The following OR51B5 variants were observed in gnomAD, a reference collection of about 807,000 sequenced individuals.
OR51B5 encodes the protein olfactory receptor family 51 subfamily B member 5, also known as olfactory receptor 51B5.
For missense variants in OR51B5, 456 were observed against 374.6 expected (o/e 1.22, Z -1.79); for synonymous variants, 186 against 144.8 (o/e 1.28, Z -2.04).
Position 5,422,916 on chromosome 11 carries a change from C to A in OR51B5, n.85-76006G>T, listed in dbSNP as rs147051674. ...GCCACCTGGGCTGAGCGACTCCGTG[C>A]CCTCAATAACTGCCTGTCCCACATT... On this transcript the variant is annotated intron_variant and non_coding_transcript_variant, in intron 1 of 4. Transcript: ENST00000415970. 83 of 1,613,848 alleles carry A rather than the reference C, an allele frequency of 5.1e-5. No individual in the cohort carries two copies. In the African/African-American group the frequency reaches 1.0e-3, roughly 20 times the overall value.
At chr11:5,410,429 C>T (rs532841552) in intron 1 of OR51B5, among the ~76,000 whole-genome samples, 2 of 152,040 alleles carry the variant, frequency 1.3e-5, no homozygotes, top group South Asian at 2.1e-4. Flanking sequence ...TTGTTATCTA[C>T]GAGATAATCA....
intron 1 of OR51B5, among the ~76,000 whole-genome samples, chr11:5,373,850 C>A (rs906058692): frequency 2.6e-5 from 4 of 152,258 alleles, no homozygotes; most frequent in East Asian, 3.9e-4. Context: ...GTGGACCCCA[C>A]CACAGCTCAA....
At position 5,466,947 on chromosome 11, in the gene OR51B5, C is replaced by T. The variant is rs80297185; in HGVS notation, n.84+38622G>A. ...TGCTTTCTCTAAGCCCTTTCCTCTA[C>T]GATCAGAGCCTTCTTTCTCTCTTAT... On this transcript the variant is annotated intron_variant and non_coding_transcript_variant, in intron 1 of 4. Transcript: ENST00000415970. Among the ~76,000 whole-genome samples, 1,491 of 152,326 alleles carry T rather than the reference C, an allele frequency of 9.8e-3. 12 individuals carry two copies. The highest frequency in any genetic ancestry group is 0.013 in the South Asian group (62 of 4,824).
intron 1 of OR51B5, among the ~76,000 whole-genome samples, chr11:5,354,156 GTTC>G (rs780453495): frequency 6.7e-6 from 1 of 149,710 alleles, no homozygotes; most frequent in African/African-American, 2.4e-5. Flanking sequence ...GTGTCTGCTA[GTTC>G]TTCTGTCTGT....
chr11:5,463,364 G>A (rs930678446), intron 1 of OR51B5, among the ~76,000 whole-genome samples: 2 of 152,140 alleles, frequency 1.3e-5, no homozygotes, highest in Non-Finnish European at 2.9e-5. Context: ...GTGTGTGATA[G>A]GCTTTATTAA....
chr11:5,414,446 A>T (rs1189338037), intron 1 of OR51B5, among the ~76,000 whole-genome samples: 13 of 151,742 alleles, frequency 8.6e-5, no homozygotes, highest in South Asian at 2.1e-4. Flanking sequence ...TAACTTTAAA[A>T]GTAAATGGAC....
chr11:5,349,813 A>G (rs1849048707), intron 1 of OR51B5, among the ~76,000 whole-genome samples: 1 of 152,112 alleles, frequency 6.6e-6, no homozygotes, highest in Non-Finnish European at 1.5e-5. Flanking sequence ...CTCAGTCCCA[A>G]TGCCCCAGGC....
intron 1 of OR51B5, among the ~76,000 whole-genome samples, chr11:5,477,532 C>A (rs1851329495): frequency 6.6e-6 from 1 of 152,182 alleles, no homozygotes; most frequent in Admixed American, 6.5e-5. Context: ...ATAGGAACAG[C>A]TCCGGTCTAC....
rs76067772 is a variant in OR51B5, at chr11:5,459,864, T to A, written n.84+45705A>T. ...AAAAACAGGACAACCATTCAACCCA[T>A]TAATCCTACTACTGGGTATATACCC... On this transcript the variant is annotated intron_variant and non_coding_transcript_variant, in intron 1 of 4. Transcript: ENST00000415970. 9.8e-3 allele frequency among the ~76,000 whole-genome samples: 1,499 copies of A among 152,234 alleles called. 27 individuals are homozygous for A. The highest frequency in any genetic ancestry group is 0.034 in the African/African-American group (1,417 of 41,532).
intron 1 of OR51B5, among the ~76,000 whole-genome samples, chr11:5,360,654 G>A (rs1470197095): frequency 6.6e-6 from 1 of 152,062 alleles, no homozygotes; most frequent in Non-Finnish European, 1.5e-5. Flanking sequence ...CATACTCAAA[G>A]GATTATAAAT....
chr11:5,360,938 A>C (rs1849274309), intron 1 of OR51B5, among the ~76,000 whole-genome samples: 1 of 151,498 alleles, frequency 6.6e-6, no homozygotes, highest in Admixed American at 6.6e-5. Context: ...GGAATTGAAC[A>C]ATGAGAACAC....
chr11:5,441,427 C>A (rs1198746419), intron 1 of OR51B5: 2 of 1,613,786 alleles, frequency 1.2e-6, no homozygotes, highest in Non-Finnish European at 1.7e-6. Flanking sequence ...AAAATCAGGG[C>A]AACCCAGGTG....
At chr11:5,465,211 A>G (rs1851121516) in intron 1 of OR51B5, among the ~76,000 whole-genome samples, 1 of 147,644 alleles carries the variant, frequency 6.8e-6, no homozygotes, top group African/African-American at 2.5e-5. Context: ...GTCTCAAAAA[A>G]AAAAAAAAAA....
At chr11:5,382,933 A>G (rs1281298733) in intron 1 of OR51B5, among the ~76,000 whole-genome samples, 2 of 152,102 alleles carry the variant, frequency 1.3e-5, no homozygotes, top group Non-Finnish European at 2.9e-5. Context: ...GCCCTATTTA[A>G]AGGATGTAAT....
chr11:5,388,291 G>C lies in OR51B5; in HGVS notation n.85-41381C>G, dbSNP rs117976076. On this transcript the variant is annotated intron_variant and non_coding_transcript_variant, in intron 1 of 4. Transcript: ENST00000415970. Reference sequence around the variant, plus strand: ...ATGTCCACAAGGAATTCACATTATAGAAGCAATACAGAAATTGACAATGCT... The same window carrying C: ...ATGTCCACAAGGAATTCACATTATACAAGCAATACAGAAATTGACAATGCT... Among the ~76,000 whole-genome samples, 277 of 151,856 alleles carry C rather than the reference G, an allele frequency of 1.8e-3. 2 individuals are homozygous for C. The East Asian group carries it at 0.04, about 22-fold the overall frequency.
intron 1 of OR51B5, among the ~76,000 whole-genome samples, chr11:5,361,839 A>G (rs1307027857): frequency 6.6e-6 from 1 of 152,052 alleles, no homozygotes; most frequent in Non-Finnish European, 1.5e-5. Context: ...TGGATTATCT[A>G]TTTCCTTTGT....
At chr11:5,503,714 C>G (rs1021888464) in intron 1 of OR51B5, among the ~76,000 whole-genome samples, 1 of 152,078 alleles carries the variant, frequency 6.6e-6, no homozygotes, top group African/African-American at 2.4e-5. Context: ...ACAAAAACAT[C>G]TATGCATATG....
Position 5,352,934 on chromosome 11 carries a change from TG to T in OR51B5, n.85-6025del, listed in dbSNP as rs1400635403. 4.0e-5 allele frequency among the ~76,000 whole-genome samples: 6 copies of T among 149,786 alleles called. No homozygotes were observed. The Admixed American group carries it at 4.0e-4, about 10-fold the overall frequency. On this transcript the variant is annotated intron_variant and non_coding_transcript_variant, in intron 1 of 4. Coordinates refer to the OR51B5 transcript ENST00000415970. ...ATGAACCAATTATATATATAATTCT[TG>T]GGTCTATGATTTGGGTCACCGGCAT...
chr11:5,384,175 C>G (rs547801746), intron 1 of OR51B5, among the ~76,000 whole-genome samples: 1 of 152,028 alleles, frequency 6.6e-6, no homozygotes, highest in East Asian at 1.9e-4. Flanking sequence ...GTTGTTGTTT[C>G]TTTGTTTGTT....
Sources: allele counts gnomAD v4.1 joint callset (sites outside exome capture counted in the v4.1 genomes callset), GRCh38; gene constraint gnomAD v4.1.1; transcripts MANE v1.5; gene names NCBI Gene and HGNC (gene_info 2026-07-23, HGNC 2026-07-21).